Variants in PTPRQ observed in about 807,000 individuals in gnomAD.
The protein encoded by PTPRQ is protein tyrosine phosphatase receptor type Q.
Under a neutral mutation model 246.0 loss-of-function variants are expected in PTPRQ, and 199 were observed. That is an observed-to-expected ratio of 0.81 (90% CI 0.72 to 0.91). The LOEUF (loss-of-function observed/expected upper bound fraction) is 0.91, where lower values mean the gene tolerates loss of function less well. Among genes scored for constraint, PTPRQ ranks in the 40% least tolerant of loss-of-function variants. PTPRQ has a pLI of 0.00. For missense variants in PTPRQ, 2,624 were observed against 2,528.4 expected, an observed-to-expected ratio of 1.04 and a Z score of -0.81; for synonymous variants, 869 against 853.2, an observed-to-expected ratio of 1.02 and a Z score of -0.32.
At chr12:80,634,904 G>A (rs1259975478) in intron 34 of PTPRQ, 41 bp from the exon 35 acceptor site, 2 of 1,544,310 alleles carry the variant, frequency 1.3e-6, no homozygotes, top group South Asian at 1.2e-5. Flanking sequence ...TATATACTTT[G>A]TGTGAAACTC....
chr12:80,471,143 C>T (rs184991032), intron 7 of PTPRQ, among the ~76,000 whole-genome samples: 177 of 152,150 alleles, frequency 1.2e-3, no homozygotes, highest in Non-Finnish European at 2.2e-3. Context: ...GTATTTAAAG[C>T]TGTGGGCTTT....
Position 80,539,682 on chromosome 12 carries a change from A to G in PTPRQ, c.2986-94A>G, listed in dbSNP as rs1247398378. The G allele has an allele frequency of 8.8e-6, 9 of 1,021,354 alleles. No individual in the cohort carries two copies. The South Asian group carries it at 9.4e-5, about 11-fold the overall frequency. 63.3% of individuals were successfully genotyped at this position (1,021,354 alleles called of 1,614,324 possible). A position where few individuals can be genotyped will look rare whatever the true frequency, so the allele number is the denominator to read the frequency against. On this transcript the variant is annotated intron_variant, in intron 19 of 44. Coordinates refer to ENST00000644991, the MANE Select transcript of PTPRQ (RefSeq NM_001145026.2). ...AAAACAACATATTAAAATAATGATA[A>G]ATAGTAAAATCGATCCATTGATAAC... is the stretch of plus-strand genomic sequence containing the variant.
chr12:80,508,440 C>T (rs1025703198), intron 16 of PTPRQ, among the ~76,000 whole-genome samples: 1 of 151,860 alleles, frequency 6.6e-6, no homozygotes, highest in African/African-American at 2.4e-5. Flanking sequence ...TAAAGCGTAG[C>T]GGTGGAAGTT....
Position 80,620,401 on chromosome 12 carries a change from G to A in PTPRQ, c.5612+25G>A, listed in dbSNP as rs548332557. 15 of 1,544,990 alleles carry A rather than the reference G, an allele frequency of 9.7e-6. No individual in the cohort carries two copies. The South Asian group carries it at 1.6e-4, about 16-fold the overall frequency. On this transcript the variant is annotated intron_variant, in intron 32 of 44. Transcript: ENST00000644991. ...TGTAAGTATAGGTTATATCTACCAT[G>A]CATTCTGTTAGCAAGCTAGTTAGTA...
chr12:80,502,754 A>C (rs2120683232), intron 14 of PTPRQ, among the ~76,000 whole-genome samples: 1 of 152,054 alleles, frequency 6.6e-6, no homozygotes, highest in South Asian at 2.1e-4. Context: ...CAGTTGTCAA[A>C]GAGAGGAATA....
chr12:80,501,660 T>C (rs1894803680), intron 14 of PTPRQ, among the ~76,000 whole-genome samples: 1 of 151,928 alleles, frequency 6.6e-6, no homozygotes, highest in African/African-American at 2.4e-5. Flanking sequence ...ATACCACACA[T>C]AGACTTTGAG....
At chr12:80,590,108 A>C (rs1449054086) in intron 26 of PTPRQ, among the ~76,000 whole-genome samples, 1 of 152,136 alleles carries the variant, frequency 6.6e-6, no homozygotes, top group East Asian at 1.9e-4. Flanking sequence ...ATACTTCTCT[A>C]TATTAACATG....
At chr12:80,568,576 G>A (rs1241300726) in intron 25 of PTPRQ, among the ~76,000 whole-genome samples, 1 of 152,200 alleles carries the variant, frequency 6.6e-6, no homozygotes, top group Non-Finnish European at 1.5e-5. Flanking sequence ...TTGAACAGCA[G>A]TGTTAACATT....
At chr12:80,573,430 A>G (rs544888111) in intron 25 of PTPRQ, among the ~76,000 whole-genome samples, 41 of 152,144 alleles carry the variant, frequency 2.7e-4, no homozygotes, top group African/African-American at 6.7e-4. Context: ...TGGAGCTTGC[A>G]GTGAGCCGAG....
rs373226307 is a variant in PTPRQ, at chr12:80,463,634, A to T, written c.910+2732A>T. Among the ~76,000 whole-genome samples, 138 of 152,136 alleles carry T rather than the reference A, an allele frequency of 9.1e-4. 5 individuals are homozygous for T. In the East Asian group the frequency reaches 0.02, roughly 23 times the overall value. On this transcript the variant is annotated intron_variant, in intron 6 of 44. Transcript: ENST00000644991. ...GCCAGAGAGAAAGGTCGGGTTACCCACAAAGGGAAGCCCATCAGACTAACA... is the reference window on the plus strand; with the variant it reads ...GCCAGAGAGAAAGGTCGGGTTACCCTCAAAGGGAAGCCCATCAGACTAACA...
chr12:80,537,525 T>C (rs886693640), intron 19 of PTPRQ, among the ~76,000 whole-genome samples: 1 of 152,200 alleles, frequency 6.6e-6, no homozygotes, highest in Non-Finnish European at 1.5e-5. Flanking sequence ...CAGACATAGG[T>C]TTAATGCTCA....
chr12:80,639,333 A>G (rs1899772534), intron 35 of PTPRQ, among the ~76,000 whole-genome samples: 1 of 152,236 alleles, frequency 6.6e-6, no homozygotes, highest in East Asian at 1.9e-4. Context: ...GAATAGTAAA[A>G]CAACATTAAT....
chr12:80,532,057 G>A (rs1293961766), intron 17 of PTPRQ, among the ~76,000 whole-genome samples: 2 of 151,752 alleles, frequency 1.3e-5, no homozygotes, highest in African/African-American at 4.8e-5. Context: ...TTTACAGTTG[G>A]TAGATACTTA....
At chr12:80,656,962 T>G (rs1900462364) in intron 38 of PTPRQ, among the ~76,000 whole-genome samples, 1 of 149,740 alleles carries the variant, frequency 6.7e-6, no homozygotes, top group Non-Finnish European at 1.5e-5. Flanking sequence ...AGAAACAGAA[T>G]TTGTAAAATA....
intron 39 of PTPRQ, among the ~76,000 whole-genome samples, chr12:80,664,885 G>A (rs1400394771): frequency 1.3e-5 from 2 of 151,944 alleles, no homozygotes; most frequent in Non-Finnish European, 2.9e-5. Context: ...ATAATTTAGA[G>A]CTCAGTACTT....
At chr12:80,656,836 A>G (rs1900455498) in intron 38 of PTPRQ, among the ~76,000 whole-genome samples, 1 of 151,466 alleles carries the variant, frequency 6.6e-6, no homozygotes, top group Non-Finnish European at 1.5e-5. Flanking sequence ...TTCCAACGAC[A>G]ACAGATAAAC....
chr12:80,648,813 A>G (rs1900161376), intron 35 of PTPRQ, 84 bp from the exon 36 acceptor site: 2 of 1,260,538 alleles, frequency 1.6e-6, no homozygotes, highest in African/African-American at 1.5e-5. Flanking sequence ...GATTTATTAT[A>G]ATTTTCTGAC....
Position 80,535,002 on chromosome 12 carries a change from G to A in PTPRQ, c.2950G>A (p.Val984Ile). 1 of 1,534,618 alleles carries A rather than the reference G, an allele frequency of 6.5e-7. No homozygotes were observed. The highest frequency in any genetic ancestry group is 8.8e-7 in the Non-Finnish European group (1 of 1,141,828). The change falls in exon 19 of 45, where the codon GTT becomes ATT. Residue 984 changes from valine to isoleucine, a missense_variant. Val to Ile is a conservative substitution (Grantham distance 29, BLOSUM62 3). Coordinates refer to ENST00000644991, the MANE Select transcript of PTPRQ (RefSeq NM_001145026.2). ...TAATGGGATTATACAATATTACTCT[G>A]TTTATTACAGAAATACTTCAGGTAC... ...KPNGIIQYYS[V>I]YYRNTSGTFM... is the part of the protein sequence containing the mutation.
intron 25 of PTPRQ, among the ~76,000 whole-genome samples, chr12:80,562,016 A>C (rs1381642729): frequency 6.6e-6 from 1 of 151,758 alleles, no homozygotes; most frequent in Admixed American, 6.6e-5. Flanking sequence ...TTTTTTTTGC[A>C]TTGATTGATA....
Sources: allele counts gnomAD v4.1 joint callset (sites outside exome capture counted in the v4.1 genomes callset), GRCh38; gene constraint gnomAD v4.1.1; transcripts MANE v1.5; gene names NCBI Gene and HGNC (gene_info 2026-07-23, HGNC 2026-07-21).